PCDH9: variants seen among roughly 807,000 people sequenced by gnomAD.
PCDH9 encodes the protein protocadherin 9, also known as protocadherin-9.
A neutral mutation model predicts 70.6 loss-of-function variants in PCDH9; 24 were observed. The ratio of observed to expected loss-of-function variants is 0.34; its 90% CI spans 0.25 to 0.48. The LOEUF is 0.48. Ranked by LOEUF, PCDH9 falls within the 20% of genes least tolerant of loss-of-function variation. PCDH9 has a pLI of 0.99. For synonymous variants in PCDH9, 562 were observed against 558.5 expected (o/e 1.01, Z -0.09); for missense variants, 1,281 against 1,503.6 (o/e 0.85, Z 2.45).
chr13:66,884,799 T>C (rs1350872152), intron 3 of PCDH9, among the ~76,000 whole-genome samples: 2 of 152,142 alleles, frequency 1.3e-5, no homozygotes, highest in Non-Finnish European at 2.9e-5. Context: ...CCCAAAACAT[T>C]ACTGCATGAA....
chr13:67,122,390 A>G (rs1470859389), intron 2 of PCDH9, among the ~76,000 whole-genome samples: 2 of 152,160 alleles, frequency 1.3e-5, no homozygotes, highest in African/African-American at 4.8e-5. Context: ...CATGTTATAC[A>G]TATTTTCTAG....
intron 3 of PCDH9, among the ~76,000 whole-genome samples, chr13:66,635,891 T>C (rs962095371): frequency 6.6e-6 from 1 of 152,172 alleles, no homozygotes; most frequent in African/African-American, 2.4e-5. Flanking sequence ...AAATGTCTAA[T>C]AGATGATTAG....
At chr13:66,792,689 C>T (rs1434424558) in intron 3 of PCDH9, among the ~76,000 whole-genome samples, 1 of 151,710 alleles carries the variant, frequency 6.6e-6, no homozygotes, top group Non-Finnish European at 1.5e-5. Flanking sequence ...ACAACAAAAA[C>T]CAAGCCAAGA....
chr13:66,934,111 C>G (rs1057391695), intron 2 of PCDH9, among the ~76,000 whole-genome samples: 1 of 152,050 alleles, frequency 6.6e-6, no homozygotes, highest in Non-Finnish European at 1.5e-5. Context: ...GCAAATGGCC[C>G]CCACTAAATG....
At chr13:66,760,650 C>T (rs533535171) in intron 3 of PCDH9, among the ~76,000 whole-genome samples, 1 of 152,110 alleles carries the variant, frequency 6.6e-6, no homozygotes, top group Admixed American at 6.5e-5. Flanking sequence ...AGGATATCAG[C>T]GATTTTCAGG....
chr13:66,542,046 A>C (rs914550320), intron 4 of PCDH9, among the ~76,000 whole-genome samples: 7 of 152,188 alleles, frequency 4.6e-5, no homozygotes, highest in Admixed American at 2.0e-4. Context: ...AAATGAGTTA[A>C]GGAAAAGCCT....
intron 4 of PCDH9, among the ~76,000 whole-genome samples, chr13:66,319,268 C>T (rs534528229): frequency 6.6e-6 from 1 of 152,152 alleles, no homozygotes; most frequent in Non-Finnish European, 1.5e-5. Flanking sequence ...CACTTCCCTT[C>T]CTCGACATGT....
At chr13:67,150,633 G>A (rs999422816) in intron 2 of PCDH9, among the ~76,000 whole-genome samples, 1 of 152,130 alleles carries the variant, frequency 6.6e-6, no homozygotes, top group Non-Finnish European at 1.5e-5. Flanking sequence ...TCCAAAACAT[G>A]TGCCAATAAT....
intron 2 of PCDH9, chr13:67,207,816 G>T (rs191978126): frequency 1.3e-5 from 2 of 152,228 alleles, no homozygotes; most frequent in Admixed American, 1.3e-4. Context: ...AATGCCAATA[G>T]CAAACCATTG....
At chr13:66,631,476 C>T (rs1436237726) in intron 3 of PCDH9, 65 bp from the exon 4 acceptor site, 8 of 910,316 alleles carry the variant, frequency 8.8e-6, no homozygotes, top group South Asian at 2.8e-5. Context: ...CCTAGTGGAA[C>T]ACAAAATCAA....
chr13:66,515,904 C>G (rs768193658), intron 4 of PCDH9, among the ~76,000 whole-genome samples: 3 of 151,948 alleles, frequency 2.0e-5, no homozygotes, highest in African/African-American at 7.2e-5. Flanking sequence ...GAGATCACCA[C>G]CTGAATTGCT....
intron 4 of PCDH9, among the ~76,000 whole-genome samples, chr13:66,622,212 G>A (rs1455434548): frequency 1.3e-5 from 2 of 152,176 alleles, no homozygotes; most frequent in East Asian, 1.9e-4. Context: ...CCTGCAGCCC[G>A]CCATGCCTGA....
At chr13:67,071,624 C>G (rs2085764619) in intron 2 of PCDH9, among the ~76,000 whole-genome samples, 1 of 152,032 alleles carries the variant, frequency 6.6e-6, no homozygotes, top group Middle Eastern at 3.2e-3. Flanking sequence ...TGGGCAGTGA[C>G]TCATACCTGT....
intron 3 of PCDH9, among the ~76,000 whole-genome samples, chr13:66,837,934 A>C (rs1246252713): frequency 6.6e-6 from 1 of 152,194 alleles, no homozygotes; most frequent in Non-Finnish European, 1.5e-5. Context: ...AGGAAACGCA[A>C]TGGTAATAAG....
At chr13:66,439,960 G>A (rs768968218) in intron 4 of PCDH9, among the ~76,000 whole-genome samples, 3 of 152,126 alleles carry the variant, frequency 2.0e-5, no homozygotes, top group Non-Finnish European at 2.9e-5. Flanking sequence ...TCCATACTGC[G>A]CCCTTAATTT....
intron 2 of PCDH9, among the ~76,000 whole-genome samples, chr13:67,084,718 C>T (rs1566413717): frequency 6.6e-6 from 1 of 151,628 alleles, no homozygotes; most frequent in African/African-American, 2.4e-5. Flanking sequence ...CGCCTGTAAT[C>T]CTAGCACTTT....
At chr13:66,603,646 G>T (rs1047157322) in intron 4 of PCDH9, among the ~76,000 whole-genome samples, 1 of 151,880 alleles carries the variant, frequency 6.6e-6, no homozygotes, top group Non-Finnish European at 1.5e-5. Flanking sequence ...CACCACTTTT[G>T]GATGTCATGT....
chr13:67,005,229 C>T (rs1037112850), intron 2 of PCDH9, among the ~76,000 whole-genome samples: 3 of 146,944 alleles, frequency 2.0e-5, no homozygotes, highest in Admixed American at 6.8e-5. Flanking sequence ...ATTCCCAAAA[C>T]TCTGATCTCT....
intron 3 of PCDH9, among the ~76,000 whole-genome samples, chr13:66,656,879 G>A (rs556668934): frequency 6.6e-6 from 1 of 152,254 alleles, no homozygotes; most frequent in Admixed American, 6.5e-5. Context: ...TGGATTCCAA[G>A]ACGCTTGCTA....
Sources: allele counts gnomAD v4.1 joint callset (sites outside exome capture counted in the v4.1 genomes callset), GRCh38; gene constraint gnomAD v4.1.1; transcripts MANE v1.5; gene names NCBI Gene and HGNC (gene_info 2026-07-23, HGNC 2026-07-21).